Variants in ATP13A3 observed in about 807,000 individuals in gnomAD.
ATP13A3 encodes the protein ATPase 13A3.
In ATP13A3, 59 loss-of-function variants were observed where a neutral mutation model predicts 158.1. The observed-to-expected ratio is 0.37, with a 90% CI of 0.30 to 0.46. The LOEUF (loss-of-function observed/expected upper bound fraction) is 0.46, where lower values mean the gene tolerates loss of function less well. Ranked by LOEUF, ATP13A3 falls within the 20% of genes least tolerant of loss-of-function variation. The pLI is 1.00. For missense variants in ATP13A3, 1,166 were observed against 1,525.2 expected, an observed-to-expected ratio of 0.76 and a Z score of 3.92; for synonymous variants, 491 against 504.3, an observed-to-expected ratio of 0.97 and a Z score of 0.35.
At chr3:194,457,234 C>T in intron 6 of ATP13A3, 60 bp from the exon 7 acceptor site, 2 of 1,311,258 alleles carry the variant, frequency 1.5e-6, no homozygotes, top group Non-Finnish European at 2.2e-6. Context: ...TTTCTTAACG[C>T]CTCATTTTTC....
At chr3:194,409,851 C>T (rs112058960) in intron 33 of ATP13A3, among the ~76,000 whole-genome samples, 17 of 151,784 alleles carry the variant, frequency 1.1e-4, no homozygotes, top group African/African-American at 4.1e-4. Flanking sequence ...ATATGATTAA[C>T]TAAAGACTGG....
intron 2 of ATP13A3, among the ~76,000 whole-genome samples, chr3:194,470,121 AACAAAG>A (rs1720235569): frequency 3.9e-5 from 6 of 152,166 alleles, no homozygotes; most frequent in African/African-American, 1.2e-4. Flanking sequence ...GCTAAATTTT[AACAAAG>A]CTCTACTCAA....
Position 194,407,286 on chromosome 3 carries a change from T to C in ATP13A3, c.3574-1170A>G, listed in dbSNP as rs1715007395. On this transcript the variant is annotated intron_variant, in intron 33 of 33. Coordinates refer to ENST00000645319, the MANE Select transcript of ATP13A3 (RefSeq NM_001367549.1). ...ACATATAAACCAGGCTACAACTAGC[T>C]CTAAATGCAGTAATCTCACAAGGTA... Among the ~76,000 whole-genome samples, 4 of 152,180 alleles carry C rather than the reference T, an allele frequency of 2.6e-5. No homozygotes were observed. In the South Asian group the frequency reaches 8.3e-4, roughly 32 times the overall value.
chr3:194,407,388 G>T (rs770000231), intron 33 of ATP13A3, among the ~76,000 whole-genome samples: 5 of 152,328 alleles, frequency 3.3e-5, no homozygotes, highest in Middle Eastern at 3.4e-3. Flanking sequence ...GTTAGCTATA[G>T]ATGTATTTTG....
chr3:194,417,179 G>C (rs1220844281), intron 31 of ATP13A3, among the ~76,000 whole-genome samples: 7 of 152,110 alleles, frequency 4.6e-5, no homozygotes. Context: ...TGGGCACAGT[G>C]GCTCACCAAG....
Position 194,450,423 on chromosome 3 carries a change from C to T in ATP13A3, c.839-147G>A, listed in dbSNP as rs905125899. On this transcript the variant is annotated intron_variant, in intron 10 of 33. Transcript: ENST00000645319. ...AAATCCAACAAATGGCAAGTTTTAA[C>T]AAATAAGATTATTAGGCTAACAAAG... 5 of 754,304 alleles carry T rather than the reference C, an allele frequency of 6.6e-6. No homozygotes were observed. The African/African-American group carries it at 7.1e-5, about 11-fold the overall frequency. The allele number at this position is 754,304 out of a possible 1,614,324, so 46.7% of individuals were successfully genotyped here. A position where few individuals can be genotyped will look rare whatever the true frequency, so the allele number is the denominator to read the frequency against.
intron 7 of ATP13A3, 34 bp from the exon 8 acceptor site, chr3:194,455,996 T>C (rs773831849): frequency 1.1e-5 from 14 of 1,280,454 alleles, no homozygotes; most frequent in Non-Finnish European, 1.5e-5. Context: ...AGTATTACAT[T>C]ATATCATAAT....
At chr3:194,422,674 C>T (rs1326826748) in intron 30 of ATP13A3, among the ~76,000 whole-genome samples, 1 of 151,966 alleles carries the variant, frequency 6.6e-6, no homozygotes, top group Non-Finnish European at 1.5e-5. Context: ...CACCGATGGA[C>T]TATGGTATCA....
At chr3:194,446,851 GAAAAT>G in intron 14 of ATP13A3, 71 bp downstream of exon 14, 4 of 1,361,728 alleles carry the variant, frequency 2.9e-6, no homozygotes, top group Non-Finnish European at 4.0e-6. Flanking sequence ...TGTTGACAAA[GAAAAT>G]AAAAAACATT....
chr3:194,461,002 T>C (rs1411917531), intron 3 of ATP13A3, among the ~76,000 whole-genome samples, 171 bp from the exon 4 acceptor site: 1 of 152,248 alleles, frequency 6.6e-6, no homozygotes, highest in Non-Finnish European at 1.5e-5. Flanking sequence ...CTGACCAGTT[T>C]ACTGTCAGTT....
intron 2 of ATP13A3, among the ~76,000 whole-genome samples, chr3:194,470,042 G>C (rs779249308): frequency 3.9e-5 from 6 of 152,116 alleles, no homozygotes; most frequent in Non-Finnish European, 8.8e-5. Context: ...AAAACTTCAA[G>C]TCAGCTCCTA....
intron 27 of ATP13A3, among the ~76,000 whole-genome samples, chr3:194,429,154 C>T (rs997084691): frequency 2.0e-5 from 3 of 151,972 alleles, no homozygotes; most frequent in South Asian, 2.1e-4. Context: ...ATAGGCTGGG[C>T]GCGGTGACTC....
chr3:194,441,044 C>T (rs1718019627), intron 16 of ATP13A3, among the ~76,000 whole-genome samples: 1 of 152,180 alleles, frequency 6.6e-6, no homozygotes, highest in Non-Finnish European at 1.5e-5. Context: ...AAGTTGCTGA[C>T]CCCTGGTTTA....
intron 15 of ATP13A3, among the ~76,000 whole-genome samples, chr3:194,444,059 C>A (rs1009444481): frequency 1.3e-5 from 2 of 152,114 alleles, no homozygotes; most frequent in South Asian, 2.1e-4. Context: ...ACAAGTCTGA[C>A]AATATTAAGT....
chr3:194,482,037 A>G (rs1720773262), intron 2 of ATP13A3, among the ~76,000 whole-genome samples: 2 of 152,204 alleles, frequency 1.3e-5, no homozygotes, highest in African/African-American at 4.8e-5. Flanking sequence ...TTCCCTCTAG[A>G]GAATCATTTT....
Position 194,447,842 on chromosome 3 carries a change from A to C in ATP13A3, c.1308+10T>G, listed in dbSNP as rs28372864. 7 of 1,601,240 alleles carry C rather than the reference A, an allele frequency of 4.4e-6. No homozygotes were observed. The East Asian group carries it at 1.6e-4, about 36-fold the overall frequency. On this transcript the variant is annotated intron_variant, in intron 13 of 33. Coordinates refer to ENST00000645319, the MANE Select transcript of ATP13A3 (RefSeq NM_001367549.1). ...AGGTTCAAACCCTATTAAGAGTCCC[A>C]CATACATACCTCATTTAAAATGCTA...
chr3:194,475,728 C>A (rs530324878), intron 2 of ATP13A3, among the ~76,000 whole-genome samples: 1 of 152,232 alleles, frequency 6.6e-6, no homozygotes, highest in East Asian at 1.9e-4. Context: ...CATACACACA[C>A]ACACGCACAC....
At chr3:194,410,937 G>GGTGTGT (rs34952393) in intron 33 of ATP13A3, among the ~76,000 whole-genome samples, 2,666 of 127,234 alleles carry the variant, frequency 0.021, 101 homozygotes, top group African/African-American at 0.079. Flanking sequence ...GGGGTGTTGG[G>GGTGTGT]GTGTGTGTGT....
At position 194,430,060 on chromosome 3, in the gene ATP13A3, A is replaced by C; in HGVS notation, c.2777+12T>G. 6.3e-7 allele frequency: 1 copy of C among 1,595,698 alleles called. No individual in the cohort carries two copies. Among genetic ancestry groups the C allele is most frequent in the Non-Finnish European group, 8.5e-7 (1 of 1,170,080 alleles). ...GAGAAAAAGGGATGAGAAAAATTTT[A>C]ATTTGTACTACCTGATAAGGTTTGG... On this transcript the variant is annotated intron_variant, in intron 26 of 33. Coordinates refer to ENST00000645319, the MANE Select transcript of ATP13A3 (RefSeq NM_001367549.1).
Sources: gnomAD v4.1 joint callset for allele counts (sites outside exome capture counted in the v4.1 genomes callset) on GRCh38, gnomAD v4.1.1 for gene constraint, MANE v1.5 for transcripts, NCBI Gene and HGNC (gene_info 2026-07-23, HGNC 2026-07-21) for gene names.